The following L3MBTL4 variants were observed in gnomAD, a reference collection of about 807,000 sequenced individuals.
The protein encoded by L3MBTL4 is L3MBTL histone methyl-lysine binding protein 4, also known as lethal(3)malignant brain tumor-like protein 4.
Under a neutral mutation model 84.5 loss-of-function variants are expected in L3MBTL4, and 70 were observed. The observed-to-expected ratio is 0.83, with a 90% CI of 0.68 to 1.01. The LOEUF is 1.01. L3MBTL4 is among the 50% of genes least tolerant of loss of function. L3MBTL4 has a pLI of 0.00. For synonymous variants in L3MBTL4, 274 were observed against 259.8 expected, an observed-to-expected ratio of 1.05 and a Z score of -0.52; for missense variants, 715 against 754.8, an observed-to-expected ratio of 0.95 and a Z score of 0.62.
chr18:6,355,117 T>C (rs2053377522), intron 1 of L3MBTL4, among the ~76,000 whole-genome samples: 1 of 152,168 alleles, frequency 6.6e-6, no homozygotes, highest in Non-Finnish European at 1.5e-5. Context: ...AAAAATGAGA[T>C]CCTGTCATTT....
intron 1 of L3MBTL4, among the ~76,000 whole-genome samples, chr18:6,385,613 C>T (rs1418675813): frequency 2.6e-5 from 4 of 152,126 alleles, no homozygotes; most frequent in African/African-American, 9.7e-5. Context: ...TCAAGCTCTC[C>T]AAGAAAATAT....
At position 6,009,434 on chromosome 18, in the gene L3MBTL4, C is replaced by G. The variant is rs148092970; in HGVS notation, c.1445-39872G>C. Among the ~76,000 whole-genome samples the G allele has an allele frequency of 1.6e-3, 243 of 152,256 alleles. 2 individuals are homozygous for G. Among genetic ancestry groups the G allele is most frequent in the African/African-American group, 5.6e-3 (231 of 41,546 alleles). Reference sequence around the variant, plus strand: ...ACCAGGAACTCAAGGCTCTCTAACTCGACACATTACAATGCTTATGCTTCC... The same window carrying G: ...ACCAGGAACTCAAGGCTCTCTAACTGGACACATTACAATGCTTATGCTTCC... On this transcript the variant is annotated intron_variant, in intron 16 of 18. Transcript: ENST00000317931.
chr18:6,296,658 G>A (rs2050120551), intron 4 of L3MBTL4, among the ~76,000 whole-genome samples: 1 of 152,146 alleles, frequency 6.6e-6, no homozygotes, highest in South Asian at 2.1e-4. Flanking sequence ...GGTGGCAGGT[G>A]ACAAACAAGT....
chr18:6,303,871 G>A (rs1018261573), intron 3 of L3MBTL4, among the ~76,000 whole-genome samples: 53 of 152,004 alleles, frequency 3.5e-4, no homozygotes, highest in South Asian at 2.3e-3. Flanking sequence ...AAAATTAGCC[G>A]GGCGTAGTGG....
rs1415549668 is a variant in L3MBTL4 at position 6,151,190 on chromosome 18, T to C, written c.1097-12894A>G. Among the ~76,000 whole-genome samples the C allele has an allele frequency of 6.6e-5, 10 of 152,314 alleles. No individual in the cohort carries two copies. In the East Asian group the frequency reaches 1.9e-3, roughly 29 times the overall value. ...ATCATTTATGTGTTCCCCATTCAGGTTGTGAACCACTGACCCAGTCCACCC... is the reference window on the plus strand; with the variant it reads ...ATCATTTATGTGTTCCCCATTCAGGCTGTGAACCACTGACCCAGTCCACCC... On this transcript the variant is annotated intron_variant, in intron 13 of 18. Transcript: ENST00000317931.
intron 1 of L3MBTL4, among the ~76,000 whole-genome samples, chr18:6,385,558 G>A (rs1161366771): frequency 1.3e-5 from 2 of 152,082 alleles, no homozygotes; most frequent in Admixed American, 1.3e-4. Context: ...ATCCCTTTAA[G>A]CCTACCACCA....
chr18:6,387,175 A>G (rs1220564709), intron 1 of L3MBTL4, among the ~76,000 whole-genome samples: 1 of 152,228 alleles, frequency 6.6e-6, no homozygotes, highest in East Asian at 1.9e-4. Flanking sequence ...ATCAAAAATC[A>G]TCCTCCAAAT....
At chr18:6,038,725 A>G (rs897925902) in intron 16 of L3MBTL4, among the ~76,000 whole-genome samples, 5 of 152,204 alleles carry the variant, frequency 3.3e-5, no homozygotes, top group African/African-American at 1.2e-4. Flanking sequence ...ACTGAACTAC[A>G]AATATTATTC....
intron 7 of L3MBTL4, among the ~76,000 whole-genome samples, chr18:6,242,033 G>A (rs1171765216): frequency 1.3e-5 from 2 of 152,106 alleles, no homozygotes; most frequent in Non-Finnish European, 2.9e-5. Flanking sequence ...CCTCCCATTC[G>A]CATGCCCTGG....
intron 16 of L3MBTL4, among the ~76,000 whole-genome samples, chr18:6,035,471 T>G (rs1317031986): frequency 6.6e-6 from 1 of 151,324 alleles, no homozygotes; most frequent in Admixed American, 6.6e-5. Context: ...ATATGCGGCG[T>G]TATTTCTGAG....
intron 3 of L3MBTL4, among the ~76,000 whole-genome samples, chr18:6,304,024 A>C (rs578157000): frequency 0.012 from 1,721 of 144,330 alleles, 16 homozygotes; most frequent in Non-Finnish European, 0.017. Flanking sequence ...CAAAAAAAAA[A>C]AAAAACAAAA....
At chr18:6,379,133 T>A (rs976753454) in intron 1 of L3MBTL4, among the ~76,000 whole-genome samples, 2 of 152,200 alleles carry the variant, frequency 1.3e-5, no homozygotes, top group Non-Finnish European at 2.9e-5. Flanking sequence ...GTTATTGTTG[T>A]ATAGGAATGC....
chr18:6,220,609 T>C (rs2046511235), intron 10 of L3MBTL4, among the ~76,000 whole-genome samples: 1 of 152,200 alleles, frequency 6.6e-6, no homozygotes, highest in African/African-American at 2.4e-5. Context: ...ACAGTGTGTG[T>C]TGTGAATATT....
chr18:6,133,275 G>A (rs1463471552), intron 14 of L3MBTL4, among the ~76,000 whole-genome samples: 2 of 151,984 alleles, frequency 1.3e-5, no homozygotes, highest in African/African-American at 4.8e-5. Context: ...CCAAGCGTGT[G>A]TGAGGAACAC....
chr18:6,298,904 C>G (rs1264353034), intron 4 of L3MBTL4, among the ~76,000 whole-genome samples: 1 of 151,972 alleles, frequency 6.6e-6, no homozygotes, highest in Non-Finnish European at 1.5e-5. Context: ...AAAACAAACC[C>G]TCAATGCCCC....
chr18:6,307,628 G>A (rs2050651281), intron 3 of L3MBTL4, among the ~76,000 whole-genome samples: 1 of 152,006 alleles, frequency 6.6e-6, no homozygotes, highest in Non-Finnish European at 1.5e-5. Context: ...GAGCACAAAT[G>A]GGCTACATAT....
At chr18:6,106,593 G>A (rs958114247) in intron 14 of L3MBTL4, among the ~76,000 whole-genome samples, 22 of 152,298 alleles carry the variant, frequency 1.4e-4, no homozygotes, top group Middle Eastern at 6.8e-3. Context: ...ATAAAACCCT[G>A]AGAAAAGAGA....
chr18:6,295,385 A>G (rs898008346), intron 4 of L3MBTL4, among the ~76,000 whole-genome samples: 1 of 145,414 alleles, frequency 6.9e-6, no homozygotes, highest in African/African-American at 2.6e-5. Flanking sequence ...GCCTTTATGA[A>G]TACAAGCACT....
chr18:6,369,070 G>T (rs1458551918), intron 1 of L3MBTL4, among the ~76,000 whole-genome samples: 1 of 145,612 alleles, frequency 6.9e-6, no homozygotes, highest in Non-Finnish European at 1.5e-5. Context: ...AAAAGTCAAT[G>T]CCTGTTATGC....
Sources: allele counts gnomAD v4.1 joint callset (sites outside exome capture counted in the v4.1 genomes callset), GRCh38; gene constraint gnomAD v4.1.1; transcripts MANE v1.5; gene names NCBI Gene and HGNC (gene_info 2026-07-23, HGNC 2026-07-21).